Variants in NEK3 observed in about 807,000 individuals in gnomAD.
NEK3 encodes serine/threonine-protein kinase Nek3.
A neutral mutation model predicts 66.0 loss-of-function variants in NEK3; 54 were observed. That is an observed-to-expected ratio of 0.82 (90% CI 0.66 to 1.03). NEK3 has a LOEUF of 1.03. Ranked by LOEUF, NEK3 falls within the 50% of genes least tolerant of loss-of-function variation. NEK3 has a pLI of 0.00. For missense variants in NEK3, 593 were observed against 603.0 expected, an observed-to-expected ratio of 0.98 and a Z score of 0.17; for synonymous variants, 200 against 206.2, an observed-to-expected ratio of 0.97 and a Z score of 0.26.
At chr13:52,153,236 C>T (rs1161246063) in intron 4 of NEK3, among the ~76,000 whole-genome samples, 1 of 151,976 alleles carries the variant, frequency 6.6e-6, no homozygotes, top group Non-Finnish European at 1.5e-5. Context: ...CCTCTTGCTA[C>T]GGAGATTCTT....
At chr13:52,143,012 G>C (rs1276836996) in intron 10 of NEK3, among the ~76,000 whole-genome samples, 2 of 152,160 alleles carry the variant, frequency 1.3e-5, no homozygotes, top group Admixed American at 1.3e-4. Flanking sequence ...TTTGGAAAAG[G>C]CTCTGGTTTT....
At chr13:52,142,013 G>A (rs1372436265) in intron 10 of NEK3, among the ~76,000 whole-genome samples, 1 of 151,796 alleles carries the variant, frequency 6.6e-6, no homozygotes, top group Non-Finnish European at 1.5e-5. Flanking sequence ...CTTGAACCCA[G>A]GAGGCAGAGG....
At chr13:52,139,649 A>G (rs564084848) in intron 11 of NEK3, among the ~76,000 whole-genome samples, 1 of 152,326 alleles carries the variant, frequency 6.6e-6, no homozygotes, top group African/African-American at 2.4e-5. Context: ...CTGTAATCCT[A>G]GCACTTTGGG....
chr13:52,144,085 A>G, intron 9 of NEK3, 98 bp from the exon 10 acceptor site: 1 of 714,890 alleles, frequency 1.4e-6, no homozygotes, highest in Non-Finnish European at 2.3e-6. Context: ...TAGCACAATA[A>G]TATTTCAAGT....
intron 7 of NEK3, among the ~76,000 whole-genome samples, chr13:52,150,340 T>C (rs913086067): frequency 2.6e-5 from 4 of 152,214 alleles, no homozygotes. Flanking sequence ...GGAAGCGCCA[T>C]ATAGTAAAAT....
chr13:52,142,556 G>A (rs1026336083), intron 10 of NEK3, among the ~76,000 whole-genome samples: 3 of 152,178 alleles, frequency 2.0e-5, no homozygotes, highest in Non-Finnish European at 4.4e-5. Context: ...GATTACAGGC[G>A]TAAGCCACTG....
At chr13:52,152,818 C>T in intron 4 of NEK3, 126 bp from the exon 5 acceptor site, 2 of 546,336 alleles carry the variant, frequency 3.7e-6, no homozygotes, top group Non-Finnish European at 6.5e-6. Flanking sequence ...TACAGAACTC[C>T]TATAAATTAC....
At position 52,135,994 on chromosome 13, in the gene NEK3, G is replaced by C. The variant is rs879149118; in HGVS notation, c.1174+122C>G. The C allele has an allele frequency of 1.3e-5, 20 of 1,491,850 alleles. No homozygotes were observed. The South Asian group carries it at 2.4e-4, about 18-fold the overall frequency. The allele number at this position is 1,491,850 out of a possible 1,614,324, so 92.4% of individuals were successfully genotyped here. A position where few individuals can be genotyped will look rare whatever the true frequency, so the allele number is the denominator to read the frequency against. ...TAAAATCTGCTTCATTCACCTGTAT[G>C]AGCAATGCTCTGATGTGTGACGCCA... On this transcript the variant is annotated intron_variant, in intron 13 of 15. Coordinates refer to ENST00000610828, the MANE Select transcript of NEK3 (RefSeq NM_002498.3).
chr13:52,136,642 T>G (rs1956208762), intron 12 of NEK3, among the ~76,000 whole-genome samples, 158 bp downstream of exon 12: 1 of 152,114 alleles, frequency 6.6e-6, no homozygotes, highest in Non-Finnish European at 1.5e-5. Context: ...TCTTTTGTTG[T>G]AGGTAAATAA....
chr13:52,146,260 T>C (rs952231930), intron 8 of NEK3, among the ~76,000 whole-genome samples: 3 of 152,148 alleles, frequency 2.0e-5, no homozygotes, highest in Admixed American at 2.0e-4. Flanking sequence ...AAGTTTATTT[T>C]TTAAAAAGTG....
rs987541936 is a variant in NEK3 at position 52,151,275 on chromosome 13, G to A, written c.462-43C>T. On this transcript the variant is annotated intron_variant, in intron 6 of 15. Transcript: ENST00000610828. ...CAACGAATGATTACAGAACATTCCT[G>A]AAAATTGATGTTTTGATTACTGTCA... 5.0e-5 allele frequency: 79 copies of A among 1,594,254 alleles called. 3 individuals are homozygous for A. Among genetic ancestry groups the A allele is most frequent in the Non-Finnish European group, 2.6e-6 (3 of 1,169,412 alleles).
chr13:52,146,404 T>G (rs1474176064), intron 8 of NEK3, among the ~76,000 whole-genome samples: 1 of 152,200 alleles, frequency 6.6e-6, no homozygotes, highest in African/African-American at 2.4e-5. Context: ...TTACACCAAC[T>G]ATCTGTGTTT....
At position 52,133,373 on chromosome 13, in the gene NEK3, C is replaced by G. The variant is rs77314480; in HGVS notation, c.1437-147G>C. ...AACTGAAGGGAAAAAATTGCCAGTT[C>G]TTCCAAAAGATCACTTCTTTGACTG... On this transcript the variant is annotated intron_variant, in intron 15 of 15. Transcript: ENST00000610828. The G allele has an allele frequency of 1.2e-3, 843 of 707,360 alleles. 11 individuals carry two copies. The East Asian group carries it at 0.021, about 18-fold the overall frequency. 43.8% of individuals were successfully genotyped at this position (707,360 alleles called of 1,614,324 possible).
chr13:52,152,812 G>T, intron 4 of NEK3, 120 bp from the exon 5 acceptor site: 1 of 587,590 alleles, frequency 1.7e-6, no homozygotes, highest in Non-Finnish European at 3.0e-6. Context: ...TGTGAGTACA[G>T]AACTCCTATA....
chr13:52,139,365 T>C (rs1309437529), intron 11 of NEK3, among the ~76,000 whole-genome samples: 2 of 152,146 alleles, frequency 1.3e-5, no homozygotes. Context: ...ACACAAAGAT[T>C]TGAGCAGCTA....
chr13:52,137,828 C>T (rs1956217570), intron 11 of NEK3, among the ~76,000 whole-genome samples: 1 of 152,208 alleles, frequency 6.6e-6, no homozygotes, highest in African/African-American at 2.4e-5. Context: ...CCTTTGCTGG[C>T]CTGCACACAA....
chr13:52,134,940 C>T (rs1268722875), intron 14 of NEK3, among the ~76,000 whole-genome samples: 1 of 152,064 alleles, frequency 6.6e-6, no homozygotes. Context: ...TTATCTTAAC[C>T]TTTGTTAGGC....
chr13:52,159,189 G>C (rs902796324), intron 1 of NEK3: 4 of 152,246 alleles, frequency 2.6e-5, no homozygotes, highest in African/African-American at 9.6e-5. Context: ...CTGCAACAGC[G>C]GTTCTCACTG....
At chr13:52,148,262 C>T in intron 8 of NEK3, 153 bp downstream of exon 8, 1 of 604,298 alleles carries the variant, frequency 1.7e-6, no homozygotes, top group Non-Finnish European at 2.9e-6. Context: ...TGCTACAAAA[C>T]TAACTCAGGG....
Sources: gnomAD v4.1 joint callset for allele counts (sites outside exome capture counted in the v4.1 genomes callset) on GRCh38, gnomAD v4.1.1 for gene constraint, MANE v1.5 for transcripts, NCBI Gene and HGNC (gene_info 2026-07-23, HGNC 2026-07-21) for gene names.